AGAP1: variants seen among roughly 807,000 people sequenced by gnomAD.
The protein encoded by AGAP1 is arf-GAP with GTPase, ANK repeat and PH domain-containing protein 1.
AGAP1 carries 29 observed loss-of-function variants against 105.3 expected under a neutral mutation model. The observed-to-expected ratio is 0.28, with a 90% confidence interval of 0.21 to 0.38. The LOEUF is 0.38. Ranked by LOEUF, AGAP1 falls within the 10% of genes least tolerant of loss-of-function variation. AGAP1 has a pLI of 1.00. For missense variants in AGAP1, 998 were observed against 1,165.1 expected, an observed-to-expected ratio of 0.86 and a Z score of 2.09; for synonymous variants, 509 against 485.9, an observed-to-expected ratio of 1.05 and a Z score of -0.63.
chr2:235,592,044 G>T (rs1243339659), intron 1 of AGAP1, among the ~76,000 whole-genome samples: 1 of 152,204 alleles, frequency 6.6e-6, no homozygotes, highest in Non-Finnish European at 1.5e-5. Flanking sequence ...CCAGCCTCAG[G>T]CATTCCTTTA....
rs980475222 is a variant in AGAP1, at chr2:235,734,725, G to A, written c.311-6238G>A. On this transcript the variant is annotated intron_variant, in intron 3 of 17. Transcript: ENST00000304032. The surrounding 1 kb of genome is among the most constrained non-coding windows in gnomAD (Gnocchi z 5.3). ...GATAGTCCCGCCTCTCTGCCTGTTT[G>A]ATGTTGGCCCTGTGGATGCTGCAAA... 6.6e-6 allele frequency among the ~76,000 whole-genome samples: 1 copy of A among 152,220 alleles called. No individual in the cohort carries two copies. The highest frequency in any genetic ancestry group is 1.9e-4 in the East Asian group (1 of 5,196).
intron 12 of AGAP1, among the ~76,000 whole-genome samples, chr2:235,945,850 T>TGGCAGAA (rs2053473047): frequency 8.3e-6 from 1 of 120,798 alleles, no homozygotes. Flanking sequence ...CTTACCATCA[T>TGGCAGAA]GGCAGAAGGC....
rs2055171255 is a variant in AGAP1 at position 235,983,262 on chromosome 2, A to G, written c.1645+14639A>G. Among the ~76,000 whole-genome samples the G allele has an allele frequency of 6.6e-6, 1 of 151,988 alleles. No individual in the cohort carries two copies. The highest frequency in any genetic ancestry group is 1.5e-5 in the Non-Finnish European group (1 of 67,980). On this transcript the variant is annotated intron_variant, in intron 13 of 17. Coordinates refer to ENST00000304032, the MANE Select transcript of AGAP1 (RefSeq NM_001037131.3). This position sits in a 1 kb window ranked among gnomAD's most constrained non-coding sequence, Gnocchi z 4.5. ...AAGGACCAGCGCTGCTGCAGGGAAC[A>G]TGGCTGGGAGGGCATCCACCGGGGC...
chr2:235,749,908 C>T (rs188363401), intron 5 of AGAP1, among the ~76,000 whole-genome samples: 1 of 152,314 alleles, frequency 6.6e-6, no homozygotes, highest in Admixed American at 6.5e-5. Context: ...AAACAAACCC[C>T]AAATGGGGGC....
chr2:235,659,352 GC>G lies in AGAP1; in HGVS notation c.164-49825del, dbSNP rs1485127802. Among the ~76,000 whole-genome samples the G allele has an allele frequency of 2.0e-5, 3 of 152,214 alleles. No homozygotes were observed. Among genetic ancestry groups the G allele is most frequent in the Non-Finnish European group, 4.4e-5 (3 of 68,044 alleles). On this transcript the variant is annotated intron_variant, in intron 1 of 17. Coordinates refer to ENST00000304032, the MANE Select transcript of AGAP1 (RefSeq NM_001037131.3). The surrounding 1 kb of genome is among the most constrained non-coding windows in gnomAD (Gnocchi z 5.0). ...GATGAACTGAATTAACGTCTGAAGT[GC>G]CACAGTGTTGTATCTGAGTGAGTAG...
intron 16 of AGAP1, among the ~76,000 whole-genome samples, chr2:236,099,421 C>T (rs1257085256): frequency 1.3e-5 from 2 of 151,886 alleles, no homozygotes; most frequent in Admixed American, 1.3e-4. Flanking sequence ...CACCACTGCA[C>T]TCCAGCCTGG....
At chr2:235,880,168 C>G (rs144302537) in intron 9 of AGAP1, among the ~76,000 whole-genome samples, 1 of 151,506 alleles carries the variant, frequency 6.6e-6, no homozygotes, top group Admixed American at 6.6e-5. Flanking sequence ...ACATGCCTCC[C>G]GATTAGACTG....
chr2:236,049,135 C>T lies in AGAP1; in HGVS notation c.1968C>T (p.Thr656=). 1 of 1,614,200 alleles carries T rather than the reference C, an allele frequency of 6.2e-7. No homozygotes were observed. The highest frequency in any genetic ancestry group is 8.5e-7 in the Non-Finnish European group (1 of 1,180,046). ...ECSGIHRNLG[T]HLSRVRSLDL... ...CAGGGATCCACCGGAATCTTGGCAC[C>T]CACCTTTCCCGAGTCCGATCTCTGG... Residue 656 remains threonine (T), a synonymous_variant, in exon 16 of 18, where the codon ACC becomes ACT. Coordinates refer to ENST00000304032, the MANE Select transcript of AGAP1 (RefSeq NM_001037131.3).
At chr2:235,673,562 A>C (rs1377142320) in intron 1 of AGAP1, among the ~76,000 whole-genome samples, 1 of 152,228 alleles carries the variant, frequency 6.6e-6, no homozygotes, top group African/African-American at 2.4e-5. Flanking sequence ...TGAAATAAAT[A>C]GTGATTAAAA....
Position 235,891,014 on chromosome 2 carries a change from G to T in AGAP1, c.1155+7565G>T, listed in dbSNP as rs2050516596. ...TATTATTAAATGAAACCAAAACCCA[G>T]TTGAGATAACAGATAGAAAACTCAA... On this transcript the variant is annotated intron_variant, in intron 10 of 17. Transcript: ENST00000304032. This position sits in a 1 kb window ranked among gnomAD's most constrained non-coding sequence, Gnocchi z 4.2. 1.3e-5 allele frequency among the ~76,000 whole-genome samples: 2 copies of T among 149,892 alleles called. No homozygotes were observed. Among genetic ancestry groups the T allele is most frequent in the Non-Finnish European group, 3.0e-5 (2 of 67,662 alleles).
rs890227598 is a variant in AGAP1, at chr2:235,919,989, G to A, written c.1325-10776G>A. ...CGTGTTCCTTCAGCAGATAAAAATG[G>A]CAAAATGAGAATGGCACACATTGTT... is the stretch of plus-strand genomic sequence containing the variant. On this transcript the variant is annotated intron_variant, in intron 11 of 17. Coordinates refer to ENST00000304032, the MANE Select transcript of AGAP1 (RefSeq NM_001037131.3). The surrounding 1 kb of genome is among the most constrained non-coding windows in gnomAD (Gnocchi z 4.1). Among the ~76,000 whole-genome samples, 2 of 152,164 alleles carry A rather than the reference G, an allele frequency of 1.3e-5. No individual in the cohort carries two copies. The highest frequency in any genetic ancestry group is 2.4e-5 in the African/African-American group (1 of 41,438).
In AGAP1 at chr2:235,552,219, C is replaced by G. The variant is rs1404917718; in HGVS notation, c.163+57370C>G. Among the ~76,000 whole-genome samples, 1 of 152,174 alleles carries G rather than the reference C, an allele frequency of 6.6e-6. No homozygotes were observed. Among genetic ancestry groups the G allele is most frequent in the African/African-American group, 2.4e-5 (1 of 41,454 alleles). On this transcript the variant is annotated intron_variant, in intron 1 of 17. Coordinates refer to ENST00000304032, the MANE Select transcript of AGAP1 (RefSeq NM_001037131.3). The surrounding 1 kb of genome is among the most constrained non-coding windows in gnomAD (Gnocchi z 5.9). ...GTCTGGACAGGGCTTCTGAGAACCACCTGCAGTTCTGCTTATTGCTGGTGT... is the reference window on the plus strand; with the variant it reads ...GTCTGGACAGGGCTTCTGAGAACCAGCTGCAGTTCTGCTTATTGCTGGTGT...
In AGAP1 at chr2:235,669,359, C is replaced by T. The variant is rs559449532; in HGVS notation, c.164-39820C>T. Reference sequence around the variant, plus strand: ...TAAACGCGCAGCAGGTGAGACATGCCCCTCGTTTTGTTCTTGCAGGCCAAG... The same window carrying T: ...TAAACGCGCAGCAGGTGAGACATGCTCCTCGTTTTGTTCTTGCAGGCCAAG... On this transcript the variant is annotated intron_variant, in intron 1 of 17. Coordinates refer to ENST00000304032, the MANE Select transcript of AGAP1 (RefSeq NM_001037131.3). Among the ~76,000 whole-genome samples, 4 of 152,220 alleles carry T rather than the reference C, an allele frequency of 2.6e-5. No homozygotes were observed. The South Asian group carries it at 8.3e-4, about 32-fold the overall frequency.
chr2:235,502,367 CTAAA>C (rs1941597653), intron 1 of AGAP1, among the ~76,000 whole-genome samples: 1 of 152,134 alleles, frequency 6.6e-6, no homozygotes, highest in Admixed American at 6.6e-5. Flanking sequence ...AAAGAGCAGA[CTAAA>C]TATAGGCTCG....
rs1261561551 is a variant in AGAP1, at chr2:235,586,412, T to TC, written c.163+91567dup. ...TGTTGAGCCTGAAGAGGCTGTGACC[T>TC]CCCCAAATACTCGGACTCCCCTGTG... On this transcript the variant is annotated intron_variant, in intron 1 of 17. Coordinates refer to ENST00000304032, the MANE Select transcript of AGAP1 (RefSeq NM_001037131.3). This position sits in a 1 kb window ranked among gnomAD's most constrained non-coding sequence, Gnocchi z 4.2. Among the ~76,000 whole-genome samples the TC allele has an allele frequency of 1.4e-4, 22 of 152,150 alleles. No individual in the cohort carries two copies. The highest frequency in any genetic ancestry group is 5.9e-5 in the Non-Finnish European group (4 of 68,018).
At chr2:235,838,860 T>G (rs1432017433) in intron 9 of AGAP1, among the ~76,000 whole-genome samples, 2 of 152,156 alleles carry the variant, frequency 1.3e-5, no homozygotes, top group East Asian at 3.8e-4. Context: ...TTTTTTTTTT[T>G]AAGAAGCATA....
rs184749032 is a variant in AGAP1, at chr2:235,613,805, G to A, written c.164-95374G>A. Among the ~76,000 whole-genome samples, 335 of 152,364 alleles carry A rather than the reference G, an allele frequency of 2.2e-3. 1 individual carries two copies. Among genetic ancestry groups the A allele is most frequent in the South Asian group, 4.1e-3 (20 of 4,830 alleles). On this transcript the variant is annotated intron_variant, in intron 1 of 17. Transcript: ENST00000304032. Reference sequence around the variant, plus strand: ...GTGCCTAATTGGCGCGGGCCTCCCTGTAGAATGAGGCTCCTCCTGCAGTTC... The same window carrying A: ...GTGCCTAATTGGCGCGGGCCTCCCTATAGAATGAGGCTCCTCCTGCAGTTC...
intron 1 of AGAP1, among the ~76,000 whole-genome samples, chr2:235,504,914 G>A (rs1941729639): frequency 6.6e-6 from 1 of 152,206 alleles, no homozygotes. Flanking sequence ...AATAATGACG[G>A]CTGTGTGCAT....
At chr2:235,661,209 C>G (rs1010847169) in intron 1 of AGAP1, among the ~76,000 whole-genome samples, 1 of 151,922 alleles carries the variant, frequency 6.6e-6, no homozygotes, top group Non-Finnish European at 1.5e-5. Context: ...CAGACAGATA[C>G]GCAGGTGGGG....
Sources: allele counts gnomAD v4.1 joint callset (sites outside exome capture counted in the v4.1 genomes callset), GRCh38; gene constraint gnomAD v4.1.1; non-coding constraint Gnocchi (gnomAD v3.1); transcripts MANE v1.5; gene names NCBI Gene and HGNC (gene_info 2026-07-23, HGNC 2026-07-21).